IQSEC1: variants seen among roughly 807,000 people sequenced by gnomAD.
The protein encoded by IQSEC1 is IQ motif and Sec7 domain ArfGEF 1, also known as IQ motif and SEC7 domain-containing protein 1.
Under a neutral mutation model 91.0 loss-of-function variants are expected in IQSEC1, and 31 were observed. The ratio of observed to expected loss-of-function variants is 0.34; its 90% CI spans 0.26 to 0.46. The LOEUF is 0.46. Among genes scored for constraint, IQSEC1 ranks in the 20% least tolerant of loss-of-function variants. The pLI, the probability that IQSEC1 is intolerant of heterozygous loss-of-function variation, is 1.00. For missense variants in IQSEC1, 1,388 were observed against 1,575.6 expected, an observed-to-expected ratio of 0.88 and a Z score of 2.02; for synonymous variants, 699 against 662.6, an observed-to-expected ratio of 1.05 and a Z score of -0.84.
intron 1 of IQSEC1, among the ~76,000 whole-genome samples, chr3:13,169,299 G>A (rs1693561716): frequency 6.6e-6 from 1 of 152,230 alleles, no homozygotes; most frequent in Non-Finnish European, 1.5e-5. Flanking sequence ...CGTAAGATGT[G>A]ACTTGCTCCT....
At chr3:13,216,091 C>A (rs1298993785) in intron 1 of IQSEC1, among the ~76,000 whole-genome samples, 2 of 152,222 alleles carry the variant, frequency 1.3e-5, no homozygotes. Flanking sequence ...CTGTCCAACA[C>A]CTATTGGAAA....
chr3:13,210,683 C>G (rs958402272), intron 1 of IQSEC1, among the ~76,000 whole-genome samples: 3 of 152,180 alleles, frequency 2.0e-5, no homozygotes, highest in Admixed American at 6.5e-5. Flanking sequence ...CTCCTCCGCT[C>G]TGAGTTTTCC....
chr3:12,936,801 A>C (rs1316710653), intron 2 of IQSEC1, 104 bp from the exon 3 acceptor site: 1 of 1,185,554 alleles, frequency 8.4e-7, no homozygotes, highest in East Asian at 2.6e-5. Flanking sequence ...GCGACCTGGG[A>C]AGGTCCCAAA....
In IQSEC1 at chr3:12,979,157, C is replaced by T. The variant is rs1252291726; in HGVS notation, c.24-37292G>A. Reference sequence around the variant, plus strand: ...TACATTCCAATTACTTAACGCTCTTCATTCTATCAAGAAAACTTTATATCT... The same window carrying T: ...TACATTCCAATTACTTAACGCTCTTTATTCTATCAAGAAAACTTTATATCT... On this transcript the variant is annotated intron_variant, in intron 1 of 13. Transcript: ENST00000613206. The surrounding 1 kb of genome is among the most constrained non-coding windows in gnomAD (Gnocchi z 4.3). Among the ~76,000 whole-genome samples the T allele has an allele frequency of 1.3e-5, 2 of 152,220 alleles. No homozygotes were observed. Among genetic ancestry groups the T allele is most frequent in the Non-Finnish European group, 2.9e-5 (2 of 68,042 alleles).
chr3:12,967,441 A>G lies in IQSEC1; in HGVS notation c.24-25576T>C, dbSNP rs1476336906. On this transcript the variant is annotated intron_variant, in intron 1 of 13. Transcript: ENST00000613206. The surrounding 1 kb of genome is among the most constrained non-coding windows in gnomAD (Gnocchi z 5.9). Reference sequence around the variant, plus strand: ...CTGGGTCCTCTCCGAGTTGCAGTGCAGGCACCACATGGCGGCCGCAGTGGG... The same window carrying G: ...CTGGGTCCTCTCCGAGTTGCAGTGCGGGCACCACATGGCGGCCGCAGTGGG... 10 of 1,527,320 alleles carry G rather than the reference A, an allele frequency of 6.5e-6. No individual in the cohort carries two copies. The Admixed American group carries it at 1.8e-4, about 27-fold the overall frequency. The allele number at this position is 1,527,320 out of a possible 1,614,324, so 94.6% of individuals were successfully genotyped here. A position where few individuals can be genotyped will look rare whatever the true frequency, so the allele number is the denominator to read the frequency against.
At chr3:12,931,952 A>T (rs966813253) in intron 3 of IQSEC1, among the ~76,000 whole-genome samples, 1 of 152,194 alleles carries the variant, frequency 6.6e-6, no homozygotes, top group Non-Finnish European at 1.5e-5. Flanking sequence ...CATGTTTCTC[A>T]GAGACAAGCT....
intron 1 of IQSEC1, among the ~76,000 whole-genome samples, chr3:12,965,483 C>T (rs1299895535): frequency 6.6e-6 from 1 of 152,228 alleles, no homozygotes; most frequent in African/African-American, 2.4e-5. Context: ...CATGGAACCA[C>T]ATACCAGGTG....
chr3:13,011,107 T>C (rs1158374444), intron 1 of IQSEC1, among the ~76,000 whole-genome samples: 1 of 152,148 alleles, frequency 6.6e-6, no homozygotes, highest in Non-Finnish European at 1.5e-5. Flanking sequence ...AAACTTTGTC[T>C]CACTGTATCA....
chr3:13,046,183 T>TAACAATAGCCCTGACTCGCTGGGCC (rs1236662102), intron 1 of IQSEC1, among the ~76,000 whole-genome samples: 1 of 152,216 alleles, frequency 6.6e-6, no homozygotes, highest in African/African-American at 2.4e-5. Flanking sequence ...TGGAGTGGGC[T>TAACAATAGCCCTGACTCGCTGGGCC]AACAATAGCC....
intron 2 of IQSEC1, among the ~76,000 whole-genome samples, chr3:13,126,348 C>T (rs986241596): frequency 6.6e-6 from 1 of 152,248 alleles, no homozygotes; most frequent in Admixed American, 6.5e-5. Flanking sequence ...CTGCGCATAT[C>T]AAAGTTCATT....
At chr3:12,972,015 A>G (rs576981814) in intron 1 of IQSEC1, among the ~76,000 whole-genome samples, 52 of 23,628 alleles carry the variant, frequency 2.2e-3, no homozygotes, top group Admixed American at 0.012. Context: ...CTCCATCTCA[A>G]AACAAACAAA....
intron 1 of IQSEC1, among the ~76,000 whole-genome samples, chr3:12,973,281 C>T (rs1700994214): frequency 6.6e-6 from 1 of 152,174 alleles, no homozygotes; most frequent in Admixed American, 6.5e-5. Flanking sequence ...CTGCACTTCC[C>T]AGCCCCAGTG....
chr3:12,976,591 G>A (rs770605021), intron 1 of IQSEC1, among the ~76,000 whole-genome samples: 51 of 152,230 alleles, frequency 3.4e-4, no homozygotes, highest in Non-Finnish European at 6.8e-4. Context: ...CTTCTTCCTC[G>A]GGACCTTCCT....
intron 1 of IQSEC1, among the ~76,000 whole-genome samples, chr3:13,047,097 G>T (rs1165002397): frequency 6.6e-6 from 1 of 152,162 alleles, no homozygotes; most frequent in Non-Finnish European, 1.5e-5. Context: ...CTTCTCCCCT[G>T]GGCTGCAGCC....
At chr3:13,048,644 C>G (rs1704580326) in intron 1 of IQSEC1, among the ~76,000 whole-genome samples, 1 of 152,206 alleles carries the variant, frequency 6.6e-6, no homozygotes, top group African/African-American at 2.4e-5. Flanking sequence ...ATACAAGAGC[C>G]CTGCTGGACA....
intron 1 of IQSEC1, among the ~76,000 whole-genome samples, chr3:12,999,101 G>A (rs1433514974): frequency 6.6e-6 from 1 of 152,184 alleles, no homozygotes; most frequent in African/African-American, 2.4e-5. Flanking sequence ...GGGGAGCTGA[G>A]AAGCCTGATT....
intron 1 of IQSEC1, among the ~76,000 whole-genome samples, chr3:12,952,127 G>A (rs1267848726): frequency 2.0e-5 from 3 of 152,162 alleles, no homozygotes; most frequent in Non-Finnish European, 4.4e-5. Context: ...GGGGTCAGGA[G>A]GGTTTCTGCG....
chr3:12,962,957 G>T (rs1268640822), intron 1 of IQSEC1, among the ~76,000 whole-genome samples: 1 of 152,314 alleles, frequency 6.6e-6, no homozygotes, highest in Middle Eastern at 3.4e-3. Context: ...GAAGCAAAAG[G>T]CTCCATTCAT....
chr3:13,235,793 G>T (rs1209919400), intron 1 of IQSEC1, among the ~76,000 whole-genome samples: 1 of 152,210 alleles, frequency 6.6e-6, no homozygotes, highest in African/African-American at 2.4e-5. Flanking sequence ...TGCAGAGAGG[G>T]GAGGGAGGGC....
Sources: gnomAD v4.1 joint callset for allele counts (sites outside exome capture counted in the v4.1 genomes callset) on GRCh38, gnomAD v4.1.1 for gene constraint, Gnocchi (gnomAD v3.1) non-coding constraint, MANE v1.5 for transcripts, NCBI Gene and HGNC (gene_info 2026-07-23, HGNC 2026-07-21) for gene names.